CCDC60: variants seen among roughly 807,000 people sequenced by gnomAD.
The protein encoded by CCDC60 is coiled-coil domain-containing protein 60.
A neutral mutation model predicts 63.5 loss-of-function variants in CCDC60; 54 were observed. The observed-to-expected ratio is 0.85, with a 90% CI of 0.68 to 1.07. The LOEUF is 1.07. Among genes scored for constraint, CCDC60 ranks in the 50% least tolerant of loss-of-function variants. CCDC60 has a pLI of 0.00. For missense variants in CCDC60, 651 were observed against 684.3 expected (o/e 0.95, Z 0.54); for synonymous variants, 206 against 238.8 (o/e 0.86, Z 1.27).
intron 4 of CCDC60, among the ~76,000 whole-genome samples, chr12:119,481,963 T>A (rs1293647253): frequency 1.8e-5 from 2 of 108,546 alleles, no homozygotes; most frequent in African/African-American, 8.6e-5. Context: ...CAGTATTCCA[T>A]CATATATATA....
intron 2 of CCDC60, among the ~76,000 whole-genome samples, chr12:119,434,666 T>A (rs1308848141): frequency 1.3e-5 from 2 of 152,046 alleles, no homozygotes; most frequent in African/African-American, 4.8e-5. Flanking sequence ...ACCATCCCAA[T>A]AAAGACATAG....
At chr12:119,524,794 C>T (rs1952641657) in intron 11 of CCDC60, among the ~76,000 whole-genome samples, 1 of 139,724 alleles carries the variant, frequency 7.2e-6, no homozygotes, top group African/African-American at 2.7e-5. Context: ...ATGATCATAC[C>T]TTACTGCAGC....
intron 1 of CCDC60, among the ~76,000 whole-genome samples, chr12:119,375,339 C>G (rs923316946): frequency 6.6e-6 from 1 of 152,096 alleles, no homozygotes; most frequent in African/African-American, 2.4e-5. Context: ...GTAAATATTC[C>G]CACTGTGGCC....
intron 1 of CCDC60, among the ~76,000 whole-genome samples, chr12:119,358,822 AATTT>A (rs1470052579): frequency 1.3e-5 from 2 of 152,128 alleles, no homozygotes; most frequent in African/African-American, 2.4e-5. Context: ...AATGTACCAC[AATTT>A]ATTTATCTGT....
At chr12:119,379,261 T>C (rs527586832) in intron 1 of CCDC60, among the ~76,000 whole-genome samples, 1 of 152,282 alleles carries the variant, frequency 6.6e-6, no homozygotes, top group Admixed American at 6.5e-5. Context: ...CCACTCACAA[T>C]TAAGCTTAAG....
chr12:119,453,718 A>G (rs1242739199), intron 2 of CCDC60, among the ~76,000 whole-genome samples: 1 of 152,216 alleles, frequency 6.6e-6, no homozygotes, highest in Non-Finnish European at 1.5e-5. Context: ...TGTGCAAAGC[A>G]AGAAAGTTGT....
chr12:119,406,834 TA>T (rs1242068634), intron 1 of CCDC60, among the ~76,000 whole-genome samples: 3 of 152,118 alleles, frequency 2.0e-5, no homozygotes, highest in Non-Finnish European at 4.4e-5. Flanking sequence ...GAGGATGCAA[TA>T]CACTAGGGTT....
At chr12:119,467,810 C>T (rs1295705914) in intron 2 of CCDC60, among the ~76,000 whole-genome samples, 2 of 152,236 alleles carry the variant, frequency 1.3e-5, no homozygotes, top group African/African-American at 4.8e-5. Flanking sequence ...GAAAAATCCT[C>T]ATGTGTGAAG....
chr12:119,519,467 A>ATATAT (rs1241035118), intron 8 of CCDC60, among the ~76,000 whole-genome samples: 9 of 95,286 alleles, frequency 9.4e-5, no homozygotes, highest in African/African-American at 3.0e-4. Context: ...ATATATATAT[A>ATATAT]TTTTTTTTTT....
At chr12:119,424,966 A>G (rs1436412379) in intron 1 of CCDC60, among the ~76,000 whole-genome samples, 1 of 152,154 alleles carries the variant, frequency 6.6e-6, no homozygotes, top group Non-Finnish European at 1.5e-5. Context: ...CCACTCTTAC[A>G]CAATGATGTG....
Position 119,410,182 on chromosome 12 carries a change from A to AGT in CCDC60, c.91-18484_91-18483dup, listed in dbSNP as rs56384600. The stretch of plus-strand genomic sequence containing the variant: ...AAAGGTAGATGCTAGTGTTGGAAAG[A>AGT]GTGTGTGTGTGTGTGTGTCTGTGTG... On this transcript the variant is annotated intron_variant, in intron 1 of 13. Transcript: ENST00000327554. This position sits in a 1 kb window ranked among gnomAD's most constrained non-coding sequence, Gnocchi z 4.0. Among the ~76,000 whole-genome samples, 102,512 of 149,468 alleles carry AGT rather than the reference A, an allele frequency of 0.69. 34,906 individuals are homozygous for AGT. Among genetic ancestry groups the AGT allele is most frequent in the Middle Eastern group, 0.76 (218 of 286 alleles).
At chr12:119,390,965 C>G (rs1444958770) in intron 1 of CCDC60, among the ~76,000 whole-genome samples, 1 of 152,236 alleles carries the variant, frequency 6.6e-6, no homozygotes. Flanking sequence ...CCTCAGGCCA[C>G]CTAGTCAGAC....
At chr12:119,483,568 C>T (rs1223120835) in intron 4 of CCDC60, among the ~76,000 whole-genome samples, 3 of 152,208 alleles carry the variant, frequency 2.0e-5, no homozygotes, top group African/African-American at 7.2e-5. Flanking sequence ...TCGAGATTTG[C>T]CCTTGGCAAT....
At chr12:119,515,529 A>G (rs1023335949) in intron 7 of CCDC60, among the ~76,000 whole-genome samples, 1 of 152,012 alleles carries the variant, frequency 6.6e-6, no homozygotes, top group African/African-American at 2.4e-5. Context: ...TGGTTTCTCC[A>G]TGTTGCCCAG....
intron 7 of CCDC60, among the ~76,000 whole-genome samples, chr12:119,515,783 G>A (rs1271766755): frequency 6.6e-6 from 1 of 152,174 alleles, no homozygotes; most frequent in East Asian, 1.9e-4. Context: ...TCCTTTCTAG[G>A]GAAGCTGGAG....
intron 11 of CCDC60, among the ~76,000 whole-genome samples, chr12:119,527,116 A>G (rs1593219736): frequency 6.6e-6 from 1 of 152,226 alleles, no homozygotes; most frequent in Admixed American, 6.5e-5. Context: ...TTTTTGGGGA[A>G]CATAGATGGA....
At chr12:119,386,206 A>C (rs1462840299) in intron 1 of CCDC60, among the ~76,000 whole-genome samples, 5 of 152,160 alleles carry the variant, frequency 3.3e-5, no homozygotes, top group African/African-American at 1.2e-4. Flanking sequence ...ATCACTCATG[A>C]AGACCATTCC....
chr12:119,458,321 G>A (rs146272642), intron 2 of CCDC60, among the ~76,000 whole-genome samples: 10 of 152,276 alleles, frequency 6.6e-5, no homozygotes, highest in African/African-American at 1.9e-4. Context: ...TGCCTTTCCC[G>A]TCAAAGCACT....
At chr12:119,452,859 G>C (rs1485606321) in intron 2 of CCDC60, among the ~76,000 whole-genome samples, 1 of 151,874 alleles carries the variant, frequency 6.6e-6, no homozygotes, top group African/African-American at 2.4e-5. Context: ...CCCTCACTCT[G>C]TCACGCAGGC....
Sources: allele counts gnomAD v4.1 joint callset (sites outside exome capture counted in the v4.1 genomes callset), GRCh38; gene constraint gnomAD v4.1.1; non-coding constraint Gnocchi (gnomAD v3.1); transcripts MANE v1.5; gene names NCBI Gene and HGNC (gene_info 2026-07-23, HGNC 2026-07-21).